Variants in ZNF518A observed in about 807,000 individuals in gnomAD.
ZNF518A encodes zinc finger protein 518A.
A neutral mutation model predicts 102.7 loss-of-function variants in ZNF518A; 47 were observed. The observed-to-expected ratio is 0.46, with a 90% CI of 0.36 to 0.58. The LOEUF is 0.58. Ranked by LOEUF, ZNF518A falls within the 20% of genes least tolerant of loss-of-function variation. The pLI, the probability that ZNF518A is intolerant of heterozygous loss-of-function variation, is 0.00. For synonymous variants in ZNF518A, 652 were observed against 594.6 expected (o/e 1.10, Z -1.40); for missense variants, 1,793 against 1,699.8 (o/e 1.05, Z -0.96).
At chr10:96,146,613 A>G (rs2082184029) in intron 3 of ZNF518A, among the ~76,000 whole-genome samples, 2 of 152,138 alleles carry the variant, frequency 1.3e-5, no homozygotes, top group African/African-American at 4.8e-5. Context: ...TATTTTTATT[A>G]TGAAATGTGT....
rs782770628 is a variant in ZNF518A, at chr10:96,158,560, A to C, written c.2238A>C (p.Glu746Asp). 6.2e-7 allele frequency: 1 copy of C among 1,613,190 alleles called. No individual in the cohort carries two copies. Among genetic ancestry groups the C allele is most frequent in the Non-Finnish European group, 8.5e-7 (1 of 1,179,648 alleles). The change falls in exon 6 of 6, where the codon GAA becomes GAC. Residue 746 changes from glutamate to aspartate, a missense_variant. Coordinates refer to ENST00000316045, the MANE Select transcript of ZNF518A (RefSeq NM_001330736.2). Reference protein sequence around the residue: ...NENQNLECATEKSKWEDFSNV... With the variant: ...NENQNLECATDKSKWEDFSNV... The stretch of plus-strand genomic sequence containing the variant: ...ATCAAAATTTAGAGTGTGCGACTGA[A>C]AAATCTAAATGGGAAGACTTTTCTA...
rs1221639206 is a variant in ZNF518A at position 96,162,423 on chromosome 10, A to G, written c.*1649A>G. The G allele has an allele frequency of 1.9e-4, 31 of 166,960 alleles. No individual in the cohort carries two copies. The highest frequency in any genetic ancestry group is 6.0e-4 in the African/African-American group (25 of 41,446). The allele number at this position is 166,960 out of a possible 1,614,324, so 10.3% of individuals were successfully genotyped here. On this transcript the variant is annotated 3_prime_UTR_variant, in exon 6 of 6. Transcript: ENST00000316045. The stretch of plus-strand genomic sequence containing the variant: ...GATGTGAAACAGTTTACATATGTCA[A>G]CTGTAACAGTAGGTCCCAAATGGGC...
intron 1 of ZNF518A, among the ~76,000 whole-genome samples, chr10:96,184,445 G>C (rs185171568): frequency 0.015 from 2,278 of 152,316 alleles, 106 homozygotes; most frequent in South Asian, 0.11. Context: ...GGTATTGGTT[G>C]TTCCTTTCCA....
chr10:96,198,942 AC>A (rs1241057938), intron 1 of ZNF518A, among the ~76,000 whole-genome samples: 1 of 152,052 alleles, frequency 6.6e-6, no homozygotes, highest in Non-Finnish European at 1.5e-5. Flanking sequence ...CAAGTGATCC[AC>A]TCACCTCGGC....
chr10:96,160,246 C>A lies in ZNF518A; in HGVS notation c.3924C>A (p.Val1308=). ...KCKEKAKPED[V]RETFGFSRPR... ...AAGAAAAGGCAAAACCTGAAGATGT[C>A]CGTGAAACATTTGGATTTAGCAGAC... Residue 1308 remains valine, a synonymous_variant, in exon 6 of 6, where the codon GTC becomes GTA. Coordinates refer to ENST00000316045, the MANE Select transcript of ZNF518A (RefSeq NM_001330736.2). 1 of 1,613,284 alleles carries A rather than the reference C, an allele frequency of 6.2e-7. No individual in the cohort carries two copies. The highest frequency in any genetic ancestry group is 8.5e-7 in the Non-Finnish European group (1 of 1,179,600).
At chr10:96,167,551 A>T (rs587752200), downstream of ZNF518A, among the ~76,000 whole-genome samples, 10 of 152,196 alleles carry the variant, frequency 6.6e-5, no homozygotes, top group Admixed American at 1.3e-4. Context: ...AGAGATAGAA[A>T]TTTTTTTTAA....
At chr10:96,154,006 A>G (rs587722853) in intron 3 of ZNF518A, among the ~76,000 whole-genome samples, 1 of 152,350 alleles carries the variant, frequency 6.6e-6, no homozygotes, top group Non-Finnish European at 1.5e-5. Flanking sequence ...GAGATTAGAC[A>G]GTTTGATTTC....
At chr10:96,175,877 CCCTTCCTT>C (rs782226974) in intron 1 of ZNF518A, among the ~76,000 whole-genome samples, 3,744 of 49,606 alleles carry the variant, frequency 0.075, 219 homozygotes, top group African/African-American at 0.1. Context: ...CTCCCTCCCT[CCCTTCCTT>C]CCTTCCTTCC....
intron 3 of ZNF518A, among the ~76,000 whole-genome samples, chr10:96,146,473 T>C (rs1228439047): frequency 2.6e-5 from 4 of 152,094 alleles, no homozygotes; most frequent in African/African-American, 9.7e-5. Flanking sequence ...GTAACATCTT[T>C]TGCAATCTGA....
intron 3 of ZNF518A, among the ~76,000 whole-genome samples, chr10:96,141,465 G>C (rs1448474499): frequency 2.6e-5 from 4 of 152,150 alleles, no homozygotes; most frequent in African/African-American, 9.7e-5. Flanking sequence ...GGTAAATAAA[G>C]GTGTATGTGT....
At chr10:96,138,367 A>G (rs1228698862) in intron 3 of ZNF518A, among the ~76,000 whole-genome samples, 1 of 151,866 alleles carries the variant, frequency 6.6e-6, no homozygotes, top group African/African-American at 2.4e-5. Context: ...CTTTCCCTCT[A>G]ATGCTTTCTG....
At chr10:96,152,066 C>G (rs1319058410) in intron 3 of ZNF518A, among the ~76,000 whole-genome samples, 5 of 152,218 alleles carry the variant, frequency 3.3e-5, no homozygotes, top group African/African-American at 1.2e-4. Flanking sequence ...AATCTCAACA[C>G]TTTGGGAGGC....
chr10:96,149,404 C>T (rs1211474412), intron 3 of ZNF518A, among the ~76,000 whole-genome samples: 1 of 152,154 alleles, frequency 6.6e-6, no homozygotes, highest in East Asian at 1.9e-4. Flanking sequence ...GCCTGGTCTC[C>T]CCTAAAACAA....
chr10:96,188,943 A>T (rs888845098), intron 1 of ZNF518A, among the ~76,000 whole-genome samples: 2 of 152,064 alleles, frequency 1.3e-5, no homozygotes, highest in African/African-American at 2.4e-5. Context: ...CTAGCTTCTG[A>T]TGGTTTGCAG....
chr10:96,170,091 C>T (rs1554890739), intron 1 of ZNF518A, among the ~76,000 whole-genome samples: 1 of 152,184 alleles, frequency 6.6e-6, no homozygotes, highest in African/African-American at 2.4e-5. Flanking sequence ...AGTTTAGTGC[C>T]TTCTCACATC....
At chr10:96,153,249 C>T (rs1431047529) in intron 3 of ZNF518A, among the ~76,000 whole-genome samples, 1 of 152,224 alleles carries the variant, frequency 6.6e-6, no homozygotes, top group African/African-American at 2.4e-5. Context: ...TCTGTCAAGG[C>T]CCCTGGCCGG....
At chr10:96,136,367 G>A (rs2081598015) in intron 3 of ZNF518A, among the ~76,000 whole-genome samples, 1 of 149,530 alleles carries the variant, frequency 6.7e-6, no homozygotes, top group South Asian at 2.2e-4. Flanking sequence ...TTCTCAAAAA[G>A]GGAAAGGTAA....
intron 1 of ZNF518A, among the ~76,000 whole-genome samples, chr10:96,176,714 G>A (rs1006798749): frequency 9.2e-5 from 14 of 152,124 alleles, no homozygotes; most frequent in Non-Finnish European, 1.9e-4. Flanking sequence ...TGACCAACAT[G>A]GTGAAACTCC....
intron 1 of ZNF518A, among the ~76,000 whole-genome samples, chr10:96,188,992 C>G (rs1158023765): frequency 1.3e-5 from 2 of 152,162 alleles, no homozygotes; most frequent in Non-Finnish European, 2.9e-5. Flanking sequence ...ATGCATCACT[C>G]CAGTCCCTCA....
Sources: allele counts gnomAD v4.1 joint callset (sites outside exome capture counted in the v4.1 genomes callset), GRCh38; gene constraint gnomAD v4.1.1; transcripts MANE v1.5; gene names NCBI Gene and HGNC (gene_info 2026-07-23, HGNC 2026-07-21).